Variants in RHBDD1 observed in about 807,000 individuals in gnomAD.
RHBDD1 encodes the protein rhomboid domain containing 1.
A neutral mutation model predicts 36.3 loss-of-function variants in RHBDD1; 38 were observed. The observed-to-expected ratio is 1.05, with a 90% CI of 0.81 to 1.37. The LOEUF is 1.37. RHBDD1 is among the 40% of genes most tolerant of loss of function. RHBDD1 has a pLI of 0.00. For missense variants in RHBDD1, 393 were observed against 377.6 expected (o/e 1.04, Z -0.34); for synonymous variants, 151 against 136.5 (o/e 1.11, Z -0.74).
Position 226,889,208 on chromosome 2 carries a change from A to G in RHBDD1, c.567-17585A>G, listed in dbSNP as rs569452345. On this transcript the variant is annotated intron_variant, in intron 5 of 8. Transcript: ENST00000392062. ...CTGGACTGACTTGTTCTGCTTATTCAGTCTGAAGGGACTCATCAGAGCTGT... is the reference window on the plus strand; with the variant it reads ...CTGGACTGACTTGTTCTGCTTATTCGGTCTGAAGGGACTCATCAGAGCTGT... Among the ~76,000 whole-genome samples, 7 of 152,292 alleles carry G rather than the reference A, an allele frequency of 4.6e-5. No individual in the cohort carries two copies. The East Asian group carries it at 1.4e-3, about 29-fold the overall frequency.
chr2:226,906,607 T>C, intron 5 of RHBDD1, 186 bp from the exon 6 acceptor site: 1 of 1,304,796 alleles, frequency 7.7e-7, no homozygotes, highest in Non-Finnish European at 1.0e-6. Flanking sequence ...TTATTCATTG[T>C]ACTTTTTTTT....
At chr2:226,948,575 A>AAAAT (rs1559302795) in intron 8 of RHBDD1, among the ~76,000 whole-genome samples, 14 of 128,974 alleles carry the variant, frequency 1.1e-4, no homozygotes, top group East Asian at 4.1e-4. Flanking sequence ...AAAAAAAAAA[A>AAAAT]AAAAAAAAAA....
chr2:226,806,714 T>C, the RHBDD1 span, among the ~76,000 whole-genome samples: 3 of 152,192 alleles, frequency 2.0e-5, no homozygotes, highest in African/African-American at 7.2e-5. Flanking sequence ...TTTTACTCTT[T>C]CTTATCTCTC....
intron 3 of RHBDD1, among the ~76,000 whole-genome samples, chr2:226,848,718 GTAGAC>G (rs1559189419): frequency 6.6e-6 from 1 of 152,178 alleles, no homozygotes; most frequent in Admixed American, 6.5e-5. Flanking sequence ...GACTCTGAGT[GTAGAC>G]TAGCTTGAGA....
In RHBDD1 at chr2:226,952,138, G is replaced by C. The variant is rs1418146495; in HGVS notation, c.856+37787G>C. Among the ~76,000 whole-genome samples, 4 of 152,244 alleles carry C rather than the reference G, an allele frequency of 2.6e-5. 1 individual carries two copies. The highest frequency in any genetic ancestry group is 2.0e-4 in the Admixed American group (3 of 15,290). ...CTGGAATTGCTCTATAAGCTCCCCA[G>C]GTGATACTAACAGGTCTTTATCTCC... On this transcript the variant is annotated intron_variant, in intron 8 of 8. Coordinates refer to ENST00000392062, the MANE Select transcript of RHBDD1 (RefSeq NM_001167608.3).
chr2:226,905,437 C>G (rs150602465), intron 5 of RHBDD1, among the ~76,000 whole-genome samples: 9 of 152,186 alleles, frequency 5.9e-5, no homozygotes, highest in African/African-American at 2.2e-4. Context: ...GGGGATGTGA[C>G]AGTGGGGCAT....
chr2:226,943,703 AT>A (rs1371674896), intron 8 of RHBDD1, among the ~76,000 whole-genome samples: 1 of 152,108 alleles, frequency 6.6e-6, no homozygotes, highest in East Asian at 1.9e-4. Context: ...ACCTCAAGTA[AT>A]TTACTATTGT....
intron 1 of RHBDD1, among the ~76,000 whole-genome samples, chr2:226,836,886 C>T (rs1211650372): frequency 6.6e-6 from 1 of 152,162 alleles, no homozygotes; most frequent in Admixed American, 6.5e-5. Flanking sequence ...GGCCTGCCGT[C>T]GCTGTGGAAA....
chr2:226,855,708 A>G (rs190709999), intron 3 of RHBDD1, among the ~76,000 whole-genome samples: 18 of 152,312 alleles, frequency 1.2e-4, no homozygotes, highest in African/African-American at 2.2e-4. Flanking sequence ...TCAGTTCCCA[A>G]TTTCTTCTGG....
the RHBDD1 span, chr2:226,808,495 A>C: frequency 4.6e-5 from 7 of 152,310 alleles, no homozygotes; most frequent in African/African-American, 1.7e-4. Context: ...GAAAGGCTGG[A>C]GCCTGGAATC....
intron 8 of RHBDD1, among the ~76,000 whole-genome samples, chr2:226,921,550 CA>C (rs1239610556): frequency 1.3e-5 from 2 of 152,106 alleles, no homozygotes; most frequent in Admixed American, 1.3e-4. Flanking sequence ...TCATTTGCTT[CA>C]AGAAATTTTT....
intron 8 of RHBDD1, among the ~76,000 whole-genome samples, chr2:226,932,921 G>A (rs1950116147): frequency 6.6e-6 from 1 of 152,118 alleles, no homozygotes; most frequent in African/African-American, 2.4e-5. Flanking sequence ...CTGAGACAGA[G>A]TAATTTATAA....
At chr2:226,895,773 T>A in intron 5 of RHBDD1, 1 of 985,434 alleles carries the variant, frequency 1.0e-6, no homozygotes, top group Non-Finnish European at 1.2e-6. Context: ...CTGTGCCAAA[T>A]GGAGGAAGGT....
intron 8 of RHBDD1, among the ~76,000 whole-genome samples, chr2:226,939,755 G>GA (rs1314710323): frequency 6.6e-6 from 1 of 152,124 alleles, no homozygotes; most frequent in Admixed American, 6.5e-5. Context: ...CACAGAACTA[G>GA]AAAAAAATTA....
At chr2:226,882,293 G>T (rs1359801766) in intron 5 of RHBDD1, among the ~76,000 whole-genome samples, 1 of 151,878 alleles carries the variant, frequency 6.6e-6, no homozygotes, top group Non-Finnish European at 1.5e-5. Context: ...AGCTGGGCTT[G>T]GTGGCAGGCA....
intron 8 of RHBDD1, among the ~76,000 whole-genome samples, chr2:226,920,329 C>T (rs1949222057): frequency 6.6e-6 from 1 of 152,040 alleles, no homozygotes; most frequent in Non-Finnish European, 1.5e-5. Flanking sequence ...ATACCACCTG[C>T]AAACAAAGAT....
At chr2:226,934,526 A>G (rs1409115699) in intron 8 of RHBDD1, among the ~76,000 whole-genome samples, 1 of 152,106 alleles carries the variant, frequency 6.6e-6, no homozygotes. Flanking sequence ...CGTATTTCAT[A>G]ATAGTACCTG....
At chr2:226,843,373 T>A (rs1941881524) in intron 3 of RHBDD1, among the ~76,000 whole-genome samples, 1 of 152,204 alleles carries the variant, frequency 6.6e-6, no homozygotes, top group African/African-American at 2.4e-5. Flanking sequence ...TGCTTCTAGC[T>A]TTTGCCCATT....
chr2:226,990,135 G>A (rs893419004), intron 8 of RHBDD1, among the ~76,000 whole-genome samples: 2 of 152,196 alleles, frequency 1.3e-5, no homozygotes, highest in African/African-American at 4.8e-5. Flanking sequence ...AAAGTAAAGT[G>A]TGGTTACTGT....
Sources: allele counts gnomAD v4.1 joint callset (sites outside exome capture counted in the v4.1 genomes callset), GRCh38; gene constraint gnomAD v4.1.1; transcripts MANE v1.5; gene names NCBI Gene and HGNC (gene_info 2026-07-23, HGNC 2026-07-21).